Variants in ECT2 observed in about 807,000 individuals in gnomAD.
ECT2 encodes epithelial cell transforming 2.
ECT2 carries 61 observed loss-of-function variants against 116.9 expected under a neutral mutation model. The ratio of observed to expected loss-of-function variants is 0.52; its 90% CI spans 0.42 to 0.65. The LOEUF is 0.65. Ranked by LOEUF, ECT2 falls within the 30% of genes least tolerant of loss-of-function variation. The pLI is 0.00. For synonymous variants in ECT2, 358 were observed against 346.4 expected, an observed-to-expected ratio of 1.03 and a Z score of -0.37; for missense variants, 937 against 1,078.7, an observed-to-expected ratio of 0.87 and a Z score of 1.84.
chr3:172,786,586 A>G lies in ECT2; in HGVS notation c.1907+12A>G. ...AAGGAAGTAATGACGTAAGTGCATT[A>G]TTTTCAATTTTTGATTGTGCCTTAG... is the stretch of plus-strand genomic sequence containing the variant. On this transcript the variant is annotated intron_variant, in intron 18 of 24. Coordinates refer to ENST00000392692, the MANE Select transcript of ECT2 (RefSeq NM_001258315.2). The G allele has an allele frequency of 6.4e-7, 1 of 1,562,558 alleles. No homozygotes were observed. The highest frequency in any genetic ancestry group is 8.8e-7 in the Non-Finnish European group (1 of 1,140,408).
chr3:172,776,300 C>A (rs759190036), intron 14 of ECT2, among the ~76,000 whole-genome samples: 39 of 142,500 alleles, frequency 2.7e-4, no homozygotes, highest in African/African-American at 1.0e-3. Context: ...GCAGGTTTGT[C>A]AAATATTTAA....
chr3:172,762,185 T>G (rs1018188424), intron 8 of ECT2, among the ~76,000 whole-genome samples: 5 of 152,182 alleles, frequency 3.3e-5, no homozygotes, highest in East Asian at 3.8e-4. Flanking sequence ...AATTTGAATC[T>G]CTTGTAAAGC....
Position 172,756,977 on chromosome 3 carries a change from G to GAAA in ECT2, c.304-4_304-2dup. On this transcript the variant is annotated splice_polypyrimidine_tract_variant and splice_region_variant and intron_variant, in intron 4 of 24. Coordinates refer to ENST00000392692, the MANE Select transcript of ECT2 (RefSeq NM_001258315.2). ...TTTTTATTTCTGCTAACTATATGAT[G>GAAA]AAAAGGACATTAAAGTGGGCTTTGT... 1 of 1,596,248 alleles carries GAAA rather than the reference G, an allele frequency of 6.3e-7. No individual in the cohort carries two copies. Among genetic ancestry groups the GAAA allele is most frequent in the Non-Finnish European group, 8.5e-7 (1 of 1,174,984 alleles).
At chr3:172,756,851 A>G (rs1035738681) in intron 4 of ECT2, 132 bp from the exon 5 acceptor site, 1 of 774,106 alleles carries the variant, frequency 1.3e-6, no homozygotes, top group African/African-American at 1.8e-5. Context: ...ATTGTGTGAT[A>G]GAAACTTATT....
intron 18 of ECT2, among the ~76,000 whole-genome samples, chr3:172,792,028 G>A (rs1327101418): frequency 6.6e-6 from 1 of 152,160 alleles, no homozygotes; most frequent in Non-Finnish European, 1.5e-5. Context: ...GGAGAAGCAA[G>A]AGGAGAGAGA....
chr3:172,803,035 G>A, intron 20 of ECT2, 55 bp downstream of exon 20: 1 of 1,451,906 alleles, frequency 6.9e-7, no homozygotes, highest in Non-Finnish European at 9.2e-7. Flanking sequence ...TAAGTTCCCT[G>A]AATATTTAAA....
Position 172,818,849 on chromosome 3 carries a change from G to A in ECT2, c.2656-1299G>A, listed in dbSNP as rs1433742336. 1.1e-5 allele frequency: 13 copies of A among 1,134,070 alleles called. No individual in the cohort carries two copies. The Admixed American group carries it at 1.3e-4, about 11-fold the overall frequency. The allele number at this position is 1,134,070 out of a possible 1,614,324, so 70.3% of individuals were successfully genotyped here. On this transcript the variant is annotated intron_variant, in intron 24 of 24. Coordinates refer to ENST00000392692, the MANE Select transcript of ECT2 (RefSeq NM_001258315.2). Reference sequence around the variant, plus strand: ...TTAGCTATTTAAAATTTGTATTTGCGGGAAAAAAAAAAGGAACATATTTTT... The same window carrying A: ...TTAGCTATTTAAAATTTGTATTTGCAGGAAAAAAAAAAGGAACATATTTTT...
At chr3:172,818,959 T>A in intron 24 of ECT2, 1 of 602,806 alleles carries the variant, frequency 1.7e-6, no homozygotes, top group Non-Finnish European at 2.2e-6. Flanking sequence ...AATTTAGGTT[T>A]AATAGAGTTT....
At chr3:172,778,278 C>G (rs909804302) in intron 14 of ECT2, among the ~76,000 whole-genome samples, 1 of 152,106 alleles carries the variant, frequency 6.6e-6, no homozygotes, top group Non-Finnish European at 1.5e-5. Context: ...TTAAGAGAAT[C>G]CTATGAGAAT....
At chr3:172,762,044 TTA>T (rs1718407904) in intron 8 of ECT2, among the ~76,000 whole-genome samples, 1 of 152,168 alleles carries the variant, frequency 6.6e-6, no homozygotes, top group African/African-American at 2.4e-5. Context: ...CTTGTTTTGC[TTA>T]GTTTTCCAAG....
intron 14 of ECT2, among the ~76,000 whole-genome samples, chr3:172,776,468 CAT>C (rs762286795): frequency 1.3e-5 from 2 of 152,090 alleles, no homozygotes; most frequent in Non-Finnish European, 2.9e-5. Context: ...CCTCGTAACA[CAT>C]AGCAGTTTTT....
intron 14 of ECT2, among the ~76,000 whole-genome samples, chr3:172,778,530 T>C (rs145982616): frequency 2.0e-5 from 3 of 152,098 alleles, no homozygotes; most frequent in Non-Finnish European, 4.4e-5. Context: ...TGAGGAAAGT[T>C]ACTTAATCTC....
chr3:172,810,372 T>C (rs1728556799), intron 22 of ECT2, among the ~76,000 whole-genome samples: 1 of 152,182 alleles, frequency 6.6e-6, no homozygotes, highest in Admixed American at 6.6e-5. Flanking sequence ...CATTCTGAGT[T>C]TTTAAACTTG....
At chr3:172,827,942 A>G in the ECT2 span, among the ~76,000 whole-genome samples, 1 of 152,198 alleles carries the variant, frequency 6.6e-6, no homozygotes, top group Non-Finnish European at 1.5e-5. Context: ...ACATTTTAAA[A>G]GTCCCATCAT....
rs980316456 is a variant in ECT2, at chr3:172,762,626, T to G, written c.890-65T>G. 1.3e-5 allele frequency: 20 copies of G among 1,578,850 alleles called. No homozygotes were observed. In the African/African-American group the frequency reaches 2.6e-4, roughly 21 times the overall value. On this transcript the variant is annotated intron_variant, in intron 9 of 24. Coordinates refer to ENST00000392692, the MANE Select transcript of ECT2 (RefSeq NM_001258315.2). ...AATCACTTCCTGGTCAATATACCTCTTAAAAAATTTGAGTTTGGAAATAAG... is the reference window on the plus strand; with the variant it reads ...AATCACTTCCTGGTCAATATACCTCGTAAAAAATTTGAGTTTGGAAATAAG...
chr3:172,813,057 A>G (rs1176127967), intron 22 of ECT2, among the ~76,000 whole-genome samples: 1 of 152,132 alleles, frequency 6.6e-6, no homozygotes, highest in Non-Finnish European at 1.5e-5. Context: ...GGTATCAAAT[A>G]TTCAGTTGTT....
intron 13 of ECT2, among the ~76,000 whole-genome samples, chr3:172,770,645 T>G (rs550830751): frequency 6.6e-6 from 1 of 152,284 alleles, no homozygotes; most frequent in African/African-American, 2.4e-5. Context: ...CAGCCCATGA[T>G]AATATTCTCA....
At chr3:172,763,206 A>C (rs1453595117) in intron 11 of ECT2, among the ~76,000 whole-genome samples, 1 of 152,246 alleles carries the variant, frequency 6.6e-6, no homozygotes, top group Non-Finnish European at 1.5e-5. Flanking sequence ...CATTACGAAC[A>C]AGAACATCTC....
intron 16 of ECT2, among the ~76,000 whole-genome samples, chr3:172,784,289 G>GT (rs1296094182): frequency 5.9e-5 from 9 of 151,894 alleles, no homozygotes; most frequent in East Asian, 3.9e-4. Flanking sequence ...TCTACAAAAA[G>GT]TTTTTTTTAA....
Sources: gnomAD v4.1 joint callset for allele counts (sites outside exome capture counted in the v4.1 genomes callset) on GRCh38, gnomAD v4.1.1 for gene constraint, MANE v1.5 for transcripts, NCBI Gene and HGNC (gene_info 2026-07-23, HGNC 2026-07-21) for gene names.